The following BCAS3 variants were observed in gnomAD, a reference collection of about 807,000 sequenced individuals.
BCAS3 encodes the protein BCAS3 microtubule associated cell migration factor.
A neutral mutation model predicts 116.1 loss-of-function variants in BCAS3; 53 were observed. The observed-to-expected ratio is 0.46, with a 90% CI of 0.37 to 0.57. The LOEUF is 0.57. Among genes scored for constraint, BCAS3 ranks in the 20% least tolerant of loss-of-function variants. The pLI, the probability that BCAS3 is intolerant of heterozygous loss-of-function variation, is 0.00. For synonymous variants in BCAS3, 391 were observed against 408.2 expected, an observed-to-expected ratio of 0.96 and a Z score of 0.51; for missense variants, 917 against 1,165.4, an observed-to-expected ratio of 0.79 and a Z score of 3.10.
At chr17:60,864,671 C>T (rs770794539) in intron 7 of BCAS3, among the ~76,000 whole-genome samples, 1 of 152,174 alleles carries the variant, frequency 6.6e-6, no homozygotes, top group African/African-American at 2.4e-5. Flanking sequence ...TCTTCAAGAA[C>T]TTTTTCTTTG....
At chr17:61,389,535 A>C (rs1384965273) in intron 23 of BCAS3, 1 of 152,400 alleles carries the variant, frequency 6.6e-6, no homozygotes, top group Non-Finnish European at 1.5e-5. Flanking sequence ...TGGAGTCAGG[A>C]GACTGAGGCG....
intron 5 of BCAS3, among the ~76,000 whole-genome samples, chr17:60,718,021 G>A (rs959098296): frequency 1.3e-5 from 2 of 152,148 alleles, no homozygotes; most frequent in Non-Finnish European, 2.9e-5. Context: ...TCACATGCGC[G>A]GTTCACGTTA....
intron 14 of BCAS3, among the ~76,000 whole-genome samples, chr17:60,963,787 C>T (rs962318662): frequency 3.3e-5 from 5 of 152,152 alleles, no homozygotes; most frequent in African/African-American, 1.2e-4. Context: ...GATCTCCTGA[C>T]CTCATGATCC....
At chr17:60,815,138 T>G (rs1163212242) in intron 7 of BCAS3, among the ~76,000 whole-genome samples, 2 of 152,186 alleles carry the variant, frequency 1.3e-5, no homozygotes, top group Non-Finnish European at 2.9e-5. Flanking sequence ...GTTCATGTCC[T>G]TTGTAGGGAC....
At chr17:60,811,341 G>C (rs1439411058) in intron 7 of BCAS3, 2 of 671,800 alleles carry the variant, frequency 3.0e-6, no homozygotes, top group South Asian at 2.9e-5. Flanking sequence ...GAGGACTTCA[G>C]TCTTGGTGAT....
In BCAS3 at chr17:61,007,725, G is replaced by C. The variant is rs2064817705; in HGVS notation, c.1487-8026G>C. ...ATCCTGTTTAAAAAAAAAAAAGAAA[G>C]ATTGGATTCTTGTTTTCAAGTCCAT... On this transcript the variant is annotated intron_variant, in intron 15 of 23. Transcript: ENST00000407086. This position sits in a 1 kb window ranked among gnomAD's most constrained non-coding sequence, Gnocchi z 4.3. 6.6e-6 allele frequency among the ~76,000 whole-genome samples: 1 copy of C among 151,208 alleles called. No individual in the cohort carries two copies. Among genetic ancestry groups the C allele is most frequent in the African/African-American group, 2.4e-5 (1 of 41,050 alleles).
intron 23 of BCAS3, among the ~76,000 whole-genome samples, chr17:61,372,034 G>A (rs890617493): frequency 3.9e-5 from 6 of 152,100 alleles, no homozygotes; most frequent in Non-Finnish European, 7.3e-5. Flanking sequence ...CCCTTGCCCC[G>A]TCACCCTTCC....
chr17:61,074,108 C>CT (rs2071705310), intron 19 of BCAS3, among the ~76,000 whole-genome samples: 1 of 116,542 alleles, frequency 8.6e-6, no homozygotes, highest in African/African-American at 3.6e-5. Context: ...GATCCTATCT[C>CT]TTAAGAAAAA....
Position 61,344,320 on chromosome 17 carries a change from T to C in BCAS3, c.2426-24007T>C, listed in dbSNP as rs894198469. ...TTCTCTTTTGTCAGAGACATGGGCC[T>C]CTTCAACCAAGTCTCTGGGTCTTCT... On this transcript the variant is annotated intron_variant, in intron 22 of 23. Transcript: ENST00000407086. The surrounding 1 kb of genome is among the most constrained non-coding windows in gnomAD (Gnocchi z 4.1). 1.3e-5 allele frequency among the ~76,000 whole-genome samples: 2 copies of C among 152,208 alleles called. No homozygotes were observed. The highest frequency in any genetic ancestry group is 4.8e-5 in the African/African-American group (2 of 41,472).
intron 7 of BCAS3, among the ~76,000 whole-genome samples, chr17:60,867,619 T>C (rs1425291376): frequency 1.3e-5 from 2 of 152,234 alleles, no homozygotes; most frequent in African/African-American, 2.4e-5. Context: ...AATCCATATA[T>C]TCTAACAGTT....
chr17:61,014,058 G>A (rs2065278675), intron 15 of BCAS3, among the ~76,000 whole-genome samples: 1 of 151,886 alleles, frequency 6.6e-6, no homozygotes, highest in Non-Finnish European at 1.5e-5. Context: ...TACATAAATT[G>A]GTCAACTTAA....
chr17:61,273,803 G>GTA (rs71299817), intron 22 of BCAS3, among the ~76,000 whole-genome samples: 7,672 of 149,526 alleles, frequency 0.051, 218 homozygotes, highest in African/African-American at 0.061. Context: ...ATCTTCAAGT[G>GTA]TATAGGTCTC....
chr17:60,869,862 T>TGTTTTTAA (rs2054940996), intron 8 of BCAS3, among the ~76,000 whole-genome samples: 2 of 152,156 alleles, frequency 1.3e-5, no homozygotes, highest in Non-Finnish European at 2.9e-5. Context: ...TACTAAAAAG[T>TGTTTTTAA]ACAGAGAAGA....
intron 22 of BCAS3, among the ~76,000 whole-genome samples, chr17:61,194,270 G>A (rs1039120926): frequency 1.3e-5 from 2 of 152,134 alleles, no homozygotes; most frequent in Non-Finnish European, 2.9e-5. Flanking sequence ...TTACAAATGC[G>A]AGACAGAGAA....
chr17:61,319,078 C>A (rs2054981568), intron 22 of BCAS3, among the ~76,000 whole-genome samples: 1 of 152,214 alleles, frequency 6.6e-6, no homozygotes, highest in South Asian at 2.1e-4. Context: ...TTCTAAAGCC[C>A]TTCCACTTCC....
intron 19 of BCAS3, among the ~76,000 whole-genome samples, chr17:61,067,749 A>G (rs936792765): frequency 6.7e-6 from 1 of 148,910 alleles, no homozygotes; most frequent in Admixed American, 6.7e-5. Context: ...AAATATATAT[A>G]TATATATAGA....
chr17:60,790,723 ATTAG>A (rs1306623835), intron 6 of BCAS3, among the ~76,000 whole-genome samples: 1 of 149,482 alleles, frequency 6.7e-6, no homozygotes, highest in Non-Finnish European at 1.5e-5. Context: ...ATTCATAAAC[ATTAG>A]TTGTGTTTGT....
chr17:61,259,528 C>A lies in BCAS3; in HGVS notation c.2426-108799C>A, dbSNP rs2049031036. On this transcript the variant is annotated intron_variant, in intron 22 of 23. Transcript: ENST00000407086. This position sits in a 1 kb window ranked among gnomAD's most constrained non-coding sequence, Gnocchi z 4.7. ...TCGTGGTCTCTTCTTAGGTTACTGG[C>A]TGGTATGTGAACTGCTACTCCAGAA... Among the ~76,000 whole-genome samples the A allele has an allele frequency of 6.6e-6, 1 of 152,156 alleles. No individual in the cohort carries two copies. The highest frequency in any genetic ancestry group is 1.9e-4 in the East Asian group (1 of 5,198).
chr17:60,690,066 T>A (rs1430376458), intron 4 of BCAS3, among the ~76,000 whole-genome samples: 1 of 152,224 alleles, frequency 6.6e-6, no homozygotes, highest in African/African-American at 2.4e-5. Context: ...GTCAGTTATA[T>A]AAGATTTATA....
Sources: gnomAD v4.1 joint callset for allele counts (sites outside exome capture counted in the v4.1 genomes callset) on GRCh38, gnomAD v4.1.1 for gene constraint, Gnocchi (gnomAD v3.1) non-coding constraint, MANE v1.5 for transcripts, NCBI Gene and HGNC (gene_info 2026-07-23, HGNC 2026-07-21) for gene names.